STARD9: variants seen among roughly 807,000 people sequenced by gnomAD.
The protein encoded by STARD9 is stAR-related lipid transfer protein 9.
STARD9 carries 346 observed loss-of-function variants against 399.8 expected under a neutral mutation model. The ratio of observed to expected loss-of-function variants is 0.87; its 90% CI spans 0.79 to 0.95. The LOEUF is 0.95. STARD9 is among the 40% of genes least tolerant of loss of function. STARD9 has a pLI of 0.00. For synonymous variants in STARD9, 2,203 were observed against 2,143.5 expected (o/e 1.03, Z -0.77); for missense variants, 5,832 against 5,667.5 (o/e 1.03, Z -0.93).
chr15:42,691,739 A>G lies in STARD9; in HGVS notation c.10161A>G (p.Ser3387=). 6.5e-7 allele frequency: 1 copy of G among 1,537,256 alleles called. No individual in the cohort carries two copies. The highest frequency in any genetic ancestry group is 8.7e-7 in the Non-Finnish European group (1 of 1,146,914). ...CTGAGGACAGCAATCAGAAAGCCTC[A>G]TCTCGCTTGGATGATGGGACTACCG... The part of the protein sequence containing the change: ...LQAEDSNQKA[S]SRLDDGTTDH... The change falls in exon 23 of 33, where the codon TCA becomes TCG. Residue 3387 remains serine (S), a synonymous_variant. Transcript: ENST00000290607.
chr15:42,674,838 C>T lies in STARD9; in HGVS notation c.1561C>T (p.Gln521Ter), dbSNP rs2060276672. Residue 521 changes from glutamine (Q) to a stop codon, truncating the protein, a stop_gained, in exon 18 of 33, where the codon CAG becomes TAG. Coordinates refer to ENST00000290607, the MANE Select transcript of STARD9 (RefSeq NM_020759.3). LOFTEE classifies it high-confidence loss of function. ...DQEQDIVLQG[Q>*]WIERDHCTIT... ...CACCTCTTTTGTAGTCCTGCAGGGTCAGTGGATTGAGAGAGACCACTGCAC... is the reference window on the plus strand; with the variant it reads ...CACCTCTTTTGTAGTCCTGCAGGGTTAGTGGATTGAGAGAGACCACTGCAC... 1 of 1,532,400 alleles carries T rather than the reference C, an allele frequency of 6.5e-7. No homozygotes were observed. The highest frequency in any genetic ancestry group is 2.0e-5 in the Admixed American group (1 of 50,200). 94.9% of individuals were successfully genotyped at this position (1,532,400 alleles called of 1,614,324 possible).
intron 9 of STARD9, among the ~76,000 whole-genome samples, chr15:42,655,746 A>G (rs191625096): frequency 6.6e-6 from 1 of 152,364 alleles, no homozygotes; most frequent in Non-Finnish European, 1.5e-5. Context: ...TGGGACTTAA[A>G]TAAAACAAAA....
chr15:42,599,159 G>A (rs2058574081), intron 3 of STARD9, among the ~76,000 whole-genome samples: 1 of 152,222 alleles, frequency 6.6e-6, no homozygotes, highest in South Asian at 2.1e-4. Flanking sequence ...CCTGACCTCA[G>A]GTGCTCCACC....
Position 42,689,896 on chromosome 15 carries a change from C to T in STARD9, c.8318C>T (p.Pro2773Leu). The T allele has an allele frequency of 1.3e-6, 2 of 1,537,582 alleles. No individual in the cohort carries two copies. The highest frequency in any genetic ancestry group is 1.7e-6 in the Non-Finnish European group (2 of 1,147,000). The change falls in exon 23 of 33, where the codon CCC becomes CTC. Residue 2773 changes from proline to leucine, a missense_variant. Physicochemically the swap from Pro to Leu is moderately conservative, Grantham distance 98. Around this residue, in one of 2 missense-constraint regions of STARD9, gnomAD observed 5,828 missense variants for 5,651.1 expected, o/e 1.03. Transcript: ENST00000290607. ...SVPQETAEGI[P>L]PGSQDSSPEH... ...CCGCAGGAGACTGCAGAGGGCATAC[C>T]CCCTGGCAGTCAGGACAGCAGCCCA... is the stretch of plus-strand genomic sequence containing the variant.
intron 9 of STARD9, among the ~76,000 whole-genome samples, chr15:42,660,012 T>A (rs2059962247): frequency 6.6e-6 from 1 of 152,158 alleles, no homozygotes; most frequent in South Asian, 2.1e-4. Flanking sequence ...ATCCACACAA[T>A]GGAATAATAG....
At chr15:42,640,818 C>CA (rs34006967) in intron 7 of STARD9, among the ~76,000 whole-genome samples, 25,715 of 83,612 alleles carry the variant, frequency 0.31, 7,127 homozygotes, top group African/African-American at 0.64. Context: ...GACTCCGTCT[C>CA]AAAAAAAAAA....
chr15:42,626,348 CTCT>C (rs1471292954), intron 3 of STARD9, among the ~76,000 whole-genome samples: 3 of 146,456 alleles, frequency 2.0e-5, no homozygotes, highest in Admixed American at 6.9e-5. Flanking sequence ...CTTCCTCTTC[CTCT>C]TCTTCCTCTT....
intron 26 of STARD9, among the ~76,000 whole-genome samples, chr15:42,713,236 T>C (rs1297991083): frequency 2.0e-5 from 3 of 152,256 alleles, no homozygotes; most frequent in Non-Finnish European, 4.4e-5. Context: ...TTTCAGTTTC[T>C]TCATTGCTAT....
Position 42,626,359 on chromosome 15 carries a change from CTT to C in STARD9, c.235-8496_235-8495del, listed in dbSNP as rs1454210450. Among the ~76,000 whole-genome samples, 32 of 150,794 alleles carry C rather than the reference CTT, an allele frequency of 2.1e-4. No individual in the cohort carries two copies. The South Asian group carries it at 6.5e-3, about 31-fold the overall frequency. ...TCTTCTTCCTCTTCCTCTTCTTCCT[CTT>C]CCTCTTCTTCCTCCTCTTCCTCCTC... On this transcript the variant is annotated intron_variant, in intron 3 of 32. Transcript: ENST00000290607.
In STARD9 at chr15:42,690,588, G is replaced by A. The variant is rs2060668014; in HGVS notation, c.9010G>A (p.Ala3004Thr). Residue 3004 changes from alanine to threonine, a missense_variant, in exon 23 of 33, where the codon GCC (alanine) becomes ACC (threonine). By Grantham distance (58) the Ala-to-Thr change is moderately conservative (BLOSUM62 0). Coordinates refer to ENST00000290607, the MANE Select transcript of STARD9 (RefSeq NM_020759.3). ...CCCACCCTGTGTAGTACCTTCCAGGGCCTATGAAATGGATGAGACAGGAGA... is the reference window on the plus strand; with the variant it reads ...CCCACCCTGTGTAGTACCTTCCAGGACCTATGAAATGGATGAGACAGGAGA... ...IHPPCVVPSRAYEMDETGEIS... is the reference protein window; with the variant it reads ...IHPPCVVPSRTYEMDETGEIS... 6.5e-7 allele frequency: 1 copy of A among 1,537,104 alleles called. No individual in the cohort carries two copies. Among genetic ancestry groups the A allele is most frequent in the African/African-American group, 1.4e-5 (1 of 73,036 alleles).
intron 3 of STARD9, among the ~76,000 whole-genome samples, chr15:42,610,341 T>C (rs2058823301): frequency 6.6e-6 from 1 of 152,090 alleles, no homozygotes; most frequent in African/African-American, 2.4e-5. Context: ...ATTGCTGGGA[T>C]ATGACCCTCT....
rs879106781 is a variant in STARD9, at chr15:42,689,764, TGGA to T, written c.8192_8194del (p.Glu2731del). 4 of 1,537,616 alleles carry T rather than the reference TGGA, an allele frequency of 2.6e-6. No homozygotes were observed. The South Asian group carries it at 4.8e-5, about 18-fold the overall frequency. On this transcript the variant is annotated inframe_deletion, in exon 23 of 33. Transcript: ENST00000290607. ...GACAGTCCTCGTTCTTCAGCACCTG[TGGA>T]GGAGGTCAGGAGGGTAGTATCAAAG...
chr15:42,667,241 A>G (rs369179849), intron 15 of STARD9, among the ~76,000 whole-genome samples: 3 of 150,960 alleles, frequency 2.0e-5, no homozygotes, highest in African/African-American at 2.4e-5. Context: ...CTGGAGTGCA[A>G]TGGTGCGATC....
At chr15:42,586,935 G>C (rs2058289061) in intron 3 of STARD9, among the ~76,000 whole-genome samples, 1 of 151,468 alleles carries the variant, frequency 6.6e-6, no homozygotes, top group African/African-American at 2.4e-5. Flanking sequence ...GCTCACTTCA[G>C]CCTCTTTCTT....
At chr15:42,631,447 G>T (rs2059329885) in intron 3 of STARD9, among the ~76,000 whole-genome samples, 1 of 152,084 alleles carries the variant, frequency 6.6e-6, no homozygotes, top group African/African-American at 2.4e-5. Flanking sequence ...AGGCGTGGTG[G>T]TGTGCGCCGG....
In STARD9 at chr15:42,720,723, G is replaced by GGT. The variant is rs1270245277; in HGVS notation, c.*1150_*1151dup. On this transcript the variant is annotated 3_prime_UTR_variant, in exon 33 of 33. Transcript: ENST00000290607. ...AGGGAACTGGGGATTCAGAAGATGT[G>GGT]GTAAAGGTCTATTTCTGTAGTGTGG... 6.6e-6 allele frequency: 1 copy of GGT among 152,126 alleles called. No individual in the cohort carries two copies. Among genetic ancestry groups the GGT allele is most frequent in the Non-Finnish European group, 1.5e-5 (1 of 68,016 alleles). The allele number at this position is 152,126 out of a possible 1,614,324, so 9.4% of individuals were successfully genotyped here.
intron 9 of STARD9, among the ~76,000 whole-genome samples, chr15:42,660,618 T>C (rs1458781330): frequency 6.7e-6 from 1 of 149,694 alleles, no homozygotes; most frequent in African/African-American, 2.5e-5. Context: ...AAATTAACAA[T>C]TTCTAAAACA....
At position 42,690,263 on chromosome 15, in the gene STARD9, C is replaced by T. The variant is rs1215998021; in HGVS notation, c.8685C>T (p.Ser2895=). 1 of 1,537,386 alleles carries T rather than the reference C, an allele frequency of 6.5e-7. No individual in the cohort carries two copies. The highest frequency in any genetic ancestry group is 8.7e-7 in the Non-Finnish European group (1 of 1,146,950). Residue 2895 remains serine (S), a synonymous_variant, in exon 23 of 33, where the codon TCC becomes TCT. Transcript: ENST00000290607. ...TCTGCAGGGCTGGCAGCAAACATTC[C>T]AGGCCAATTCCACTGCCAGATCAAA... is the stretch of plus-strand genomic sequence containing the variant. The part of the protein sequence containing the change: ...TEVCRAGSKH[S]RPIPLPDQRP...
intron 12 of STARD9, 81 bp from the exon 13 acceptor site, chr15:42,663,739 T>C (rs1235995757): frequency 1.9e-6 from 2 of 1,070,602 alleles, no homozygotes; most frequent in East Asian, 2.6e-5. Context: ...TTATACAGCA[T>C]GGGCAGTAGT....
Sources: gnomAD v4.1 joint callset for allele counts (sites outside exome capture counted in the v4.1 genomes callset) on GRCh38, gnomAD v4.1.1 for gene constraint, gnomAD v4.1.1 regional missense constraint, MANE v1.5 for transcripts, NCBI Gene and HGNC (gene_info 2026-07-23, HGNC 2026-07-21) for gene names.